The following TSFM variants were observed in gnomAD, a reference collection of about 807,000 sequenced individuals.
TSFM encodes the protein elongation factor Ts, mitochondrial.
Under a neutral mutation model 33.4 loss-of-function variants are expected in TSFM, and 29 were observed. The observed-to-expected ratio is 0.87, with a 90% CI of 0.65 to 1.18. The LOEUF (loss-of-function observed/expected upper bound fraction) is 1.18, where lower values mean the gene tolerates loss of function less well. TSFM is among the 50% of genes most tolerant of loss of function. The pLI, the probability that TSFM is intolerant of heterozygous loss-of-function variation, is 0.00. For missense variants in TSFM, 394 were observed against 395.6 expected (o/e 1.00, Z 0.04); for synonymous variants, 178 against 163.5 (o/e 1.09, Z -0.68).
intron 1 of TSFM, 116 bp from the exon 2 acceptor site, chr12:57,782,994 C>G: frequency 6.8e-7 from 1 of 1,472,466 alleles, no homozygotes; most frequent in Non-Finnish European, 9.1e-7. Context: ...AGTCCAGCCC[C>G]GGTGCACCCC....
chr12:57,798,890 C>G (rs1163685742), downstream of TSFM, among the ~76,000 whole-genome samples: 1 of 152,170 alleles, frequency 6.6e-6, no homozygotes, highest in East Asian at 1.9e-4. Flanking sequence ...GCTGGGATTA[C>G]AGGTATGAGC....
At chr12:57,796,061 C>T in intron 5 of TSFM, 116 bp from the exon 6 acceptor site, 1 of 880,130 alleles carries the variant, frequency 1.1e-6, no homozygotes. Flanking sequence ...TACTGCATAT[C>T]CTATGTAAAT....
chr12:57,794,175 A>G (rs1310363225), intron 5 of TSFM, among the ~76,000 whole-genome samples: 1 of 152,244 alleles, frequency 6.6e-6, no homozygotes, highest in Non-Finnish European at 1.5e-5. Flanking sequence ...GCTTATTAAG[A>G]AATTCTGGAA....
At chr12:57,783,596 CTTTT>C (rs5798416) in intron 2 of TSFM, 29 of 494,772 alleles carry the variant, frequency 5.9e-5, no homozygotes, top group East Asian at 1.7e-4. Context: ...TGACTTTAGA[CTTTT>C]TTTTTTTTTT....
At chr12:57,795,529 C>T (rs754957812) in intron 5 of TSFM, among the ~76,000 whole-genome samples, 9 of 152,102 alleles carry the variant, frequency 5.9e-5, no homozygotes, top group African/African-American at 9.7e-5. Flanking sequence ...GTCACTTGCC[C>T]GAGGTCATAT....
At chr12:57,799,796 T>C (rs1270762689), downstream of TSFM, 4 of 1,613,852 alleles carry the variant, frequency 2.5e-6, no homozygotes, top group African/African-American at 5.3e-5. Context: ...GCCACTCACC[T>C]CCTTTTTGGC....
chr12:57,789,587 C>T (rs1168267500), intron 4 of TSFM, among the ~76,000 whole-genome samples: 1 of 148,632 alleles, frequency 6.7e-6, no homozygotes, highest in Admixed American at 6.7e-5. Flanking sequence ...GCTGGTCTCG[C>T]ACTCCTGACC....
At chr12:57,786,933 A>G (rs980832819) in intron 3 of TSFM, 107 bp from the exon 4 acceptor site, 48 of 1,248,700 alleles carry the variant, frequency 3.8e-5, no homozygotes, top group Non-Finnish European at 4.8e-5. Context: ...TTTTCCGTTG[A>G]GTCTGTAGCT....
downstream of TSFM, chr12:57,799,701 A>C: frequency 6.5e-7 from 1 of 1,546,418 alleles, no homozygotes; most frequent in Non-Finnish European, 8.8e-7. Flanking sequence ...AGCGGCTACA[A>C]TGTGCCGGAG....
At position 57,792,943 on chromosome 12, in the gene TSFM, A is replaced by G. The variant is rs762242949; in HGVS notation, c.484-43A>G. On this transcript the variant is annotated intron_variant, in intron 4 of 5. Coordinates refer to ENST00000652027, the MANE Select transcript of TSFM (RefSeq NM_005726.6). ...TTTGCCTATTCTTTTGATAATTTGA[A>G]TAGTACAGAATCAGTTCATGTTTGT... 9.5e-6 allele frequency: 15 copies of G among 1,573,028 alleles called. No individual in the cohort carries two copies. In the East Asian group the frequency reaches 3.1e-4, roughly 33 times the overall value.
At chr12:57,793,549 G>T (rs374122323) in intron 5 of TSFM, among the ~76,000 whole-genome samples, 1 of 152,296 alleles carries the variant, frequency 6.6e-6, no homozygotes, top group Admixed American at 6.5e-5. Context: ...GAGCTCATAC[G>T]CTGCTGGAGG....
At chr12:57,801,601 A>G (rs1013401139), downstream of TSFM, among the ~76,000 whole-genome samples, 3 of 152,122 alleles carry the variant, frequency 2.0e-5, no homozygotes, top group Non-Finnish European at 4.4e-5. Flanking sequence ...TTAGCTGGGC[A>G]TGGTGGTGCA....
chr12:57,792,205 C>G (rs12319745), intron 4 of TSFM, among the ~76,000 whole-genome samples: 1 of 151,152 alleles, frequency 6.6e-6, no homozygotes, highest in Non-Finnish European at 1.5e-5. Flanking sequence ...AATCATGCCA[C>G]CGCACTCCAG....
intron 2 of TSFM, chr12:57,784,107 C>T: frequency 1.4e-6 from 1 of 702,652 alleles, no homozygotes; most frequent in South Asian, 1.5e-5. Context: ...GCCAGCTGCT[C>T]CTAGGCTACA....
chr12:57,786,044 AT>A (rs879628411), intron 2 of TSFM, 118 bp from the exon 3 acceptor site: 1 of 1,257,752 alleles, frequency 8.0e-7, no homozygotes, highest in Non-Finnish European at 1.1e-6. Context: ...TAAATGATAG[AT>A]TACTTTAGTT....
downstream of TSFM, chr12:57,797,940 A>G (rs200509466): frequency 1.2e-6 from 2 of 1,613,246 alleles, no homozygotes; most frequent in East Asian, 2.2e-5. Context: ...CAGAGCTGCA[A>G]ATTGCCCTCT....
chr12:57,796,121 C>T, intron 5 of TSFM, 56 bp from the exon 6 acceptor site: 1 of 1,486,352 alleles, frequency 6.7e-7, no homozygotes, highest in Non-Finnish European at 9.0e-7. Context: ...TATTTTGGTA[C>T]CATCACAGAC....
downstream of TSFM, chr12:57,799,828 C>G (rs1444717313): frequency 6.2e-7 from 1 of 1,614,008 alleles, no homozygotes; most frequent in South Asian, 1.1e-5. Flanking sequence ...CCTCAGGCAG[C>G]TCCTGATTCT....
intron 4 of TSFM, among the ~76,000 whole-genome samples, chr12:57,789,371 CA>C (rs1402696494): frequency 6.6e-6 from 1 of 152,126 alleles, no homozygotes; most frequent in African/African-American, 2.4e-5. Flanking sequence ...TATATAACCA[CA>C]GGACAGTGAT....
Sources: gnomAD v4.1 joint callset for allele counts (sites outside exome capture counted in the v4.1 genomes callset) on GRCh38, gnomAD v4.1.1 for gene constraint, MANE v1.5 for transcripts, NCBI Gene and HGNC (gene_info 2026-07-23, HGNC 2026-07-21) for gene names.